Variants in YJU2B observed in about 807,000 individuals in gnomAD.
YJU2B encodes the protein probable splicing factor YJU2B.
A neutral mutation model predicts 38.0 loss-of-function variants in YJU2B; 18 were observed. The ratio of observed to expected loss-of-function variants is 0.47; its 90% CI spans 0.33 to 0.70. YJU2B has a LOEUF of 0.70. Among genes scored for constraint, YJU2B ranks in the 30% least tolerant of loss-of-function variants. The pLI is 0.02. For missense variants in YJU2B, 538 were observed against 556.3 expected (o/e 0.97, Z 0.33); for synonymous variants, 246 against 225.4 (o/e 1.09, Z -0.82).
chr19:13,748,982 CAGA>C (rs978393789), intron 1 of YJU2B, among the ~76,000 whole-genome samples: 1 of 152,194 alleles, frequency 6.6e-6, no homozygotes, highest in Admixed American at 6.5e-5. Context: ...CCCACTCCAT[CAGA>C]AGCTCTTCCA....
At chr19:13,744,673 T>C (rs1428025434), upstream of YJU2B, among the ~76,000 whole-genome samples, 1 of 151,928 alleles carries the variant, frequency 6.6e-6, no homozygotes, top group Non-Finnish European at 1.5e-5. Context: ...CAGCCCATTC[T>C]CAAACACCCT....
intron 2 of YJU2B, among the ~76,000 whole-genome samples, chr19:13,741,906 G>A (rs987739303): frequency 6.6e-6 from 1 of 152,140 alleles, no homozygotes; most frequent in Non-Finnish European, 1.5e-5. Context: ...CAAAAGAAAT[G>A]CAGTTGTCTT....
chr19:13,759,627 AT>A (rs1211611919), intron 8 of YJU2B: 18 of 154,864 alleles, frequency 1.2e-4, no homozygotes, highest in East Asian at 3.5e-4. Context: ...ATAGAAATTA[AT>A]TTTTTTTTTG....
chr19:13,757,960 G>T (rs556681577), intron 6 of YJU2B, 114 bp downstream of exon 6: 2 of 900,884 alleles, frequency 2.2e-6, no homozygotes, highest in Admixed American at 2.1e-5. Context: ...CCTGGAAATC[G>T]CCCTGGTTGG....
chr19:13,761,487 C>G (rs1973885189), intron 8 of YJU2B: 1 of 152,620 alleles, frequency 6.6e-6, no homozygotes, highest in African/African-American at 2.4e-5. Flanking sequence ...TGTCTCACCA[C>G]TAGAGGCCAG....
At chr19:13,756,354 C>A in intron 4 of YJU2B, 75 bp downstream of exon 4, 2 of 1,183,022 alleles carry the variant, frequency 1.7e-6, no homozygotes. Flanking sequence ...TCAGTGCCCT[C>A]ATTGGCCCAG....
chr19:13,757,694 C>A, intron 5 of YJU2B, 92 bp from the exon 6 acceptor site: 1 of 1,340,788 alleles, frequency 7.5e-7, no homozygotes, highest in Non-Finnish European at 1.1e-6. Flanking sequence ...GAACCCTCAG[C>A]AAGTGACAGT....
chr19:13,735,713 G>A (rs1972925615), intron 2 of YJU2B, among the ~76,000 whole-genome samples: 1 of 152,096 alleles, frequency 6.6e-6, no homozygotes, highest in Admixed American at 6.6e-5. Context: ...TGGTGTTTAA[G>A]CACAAGACAC....
At chr19:13,748,045 G>C (rs2145117946) in intron 1 of YJU2B, 91 bp downstream of exon 1, 1 of 152,318 alleles carries the variant, frequency 6.6e-6, no homozygotes, top group East Asian at 1.9e-4. Flanking sequence ...GCCCTTCCGC[G>C]TCGGGGGACG....
chr19:13,755,926 C>G (rs1973649327), intron 3 of YJU2B, among the ~76,000 whole-genome samples: 1 of 152,238 alleles, frequency 6.6e-6, no homozygotes, highest in South Asian at 2.1e-4. Flanking sequence ...CCATTGCACT[C>G]CAGCCTGGGC....
chr19:13,755,906 C>T (rs967683350), intron 3 of YJU2B, among the ~76,000 whole-genome samples: 24 of 152,080 alleles, frequency 1.6e-4, no homozygotes, highest in Non-Finnish European at 2.9e-4. Context: ...TGCAGTGAGC[C>T]AAGGTCATGC....
At chr19:13,753,661 G>A (rs921028094) in intron 2 of YJU2B, among the ~76,000 whole-genome samples, 6 of 151,616 alleles carry the variant, frequency 4.0e-5, no homozygotes, top group South Asian at 2.1e-4. Flanking sequence ...AGTTCAGCAT[G>A]GCTGGGGAGG....
intron 2 of YJU2B, 103 bp downstream of exon 2, chr19:13,751,914 A>G (rs1973482365): frequency 7.2e-6 from 8 of 1,118,472 alleles, no homozygotes; most frequent in Non-Finnish European, 8.2e-6. Context: ...GATGATTTCA[A>G]TCTCCGGGTC....
chr19:13,761,209 C>G lies in YJU2B; in HGVS notation c.574-1090C>G, dbSNP rs554812308. On this transcript the variant is annotated intron_variant, in intron 8 of 9. Transcript: ENST00000221554. ...CCTGGCTAACATGGTGAAACCCCGT[C>G]TCTACTAAAAATGCAAAAAAAAATT... Among the ~76,000 whole-genome samples, 4 of 128,514 alleles carry G rather than the reference C, an allele frequency of 3.1e-5. No individual in the cohort carries two copies. The South Asian group carries it at 1.0e-3, about 33-fold the overall frequency. The allele number at this position is 128,514 out of a possible 152,430, so 84.3% of individuals were successfully genotyped here.
chr19:13,760,286 G>A lies in YJU2B; in HGVS notation c.573+1014G>A, dbSNP rs949795351. Among the ~76,000 whole-genome samples the A allele has an allele frequency of 3.3e-5, 5 of 152,122 alleles. No individual in the cohort carries two copies. The East Asian group carries it at 5.8e-4, about 18-fold the overall frequency. On this transcript the variant is annotated intron_variant, in intron 8 of 9. Coordinates refer to ENST00000221554, the MANE Select transcript of YJU2B (RefSeq NM_030818.4). Reference sequence around the variant, plus strand: ...AGTCTGCGAAGTCCAGGATCAAGGCGCTGGCAGATCCAGTGTCTGGTGAGG... The same window carrying A: ...AGTCTGCGAAGTCCAGGATCAAGGCACTGGCAGATCCAGTGTCTGGTGAGG...
intron 8 of YJU2B, chr19:13,759,623 A>C: frequency 6.2e-6 from 1 of 161,112 alleles, no homozygotes; most frequent in Non-Finnish European, 1.3e-5. Context: ...AATAATAGAA[A>C]TTAATTTTTT....
Position 13,750,360 on chromosome 19 carries a change from G to A in YJU2B, c.-201-1248G>A, listed in dbSNP as rs567057504. On this transcript the variant is annotated intron_variant, in intron 1 of 9. Transcript: ENST00000221554. ...TCCTGCCTCAGTTTCCCGAGTAGCTGGGATTACAGGCATGCACCATCACAC... is the reference window on the plus strand; with the variant it reads ...TCCTGCCTCAGTTTCCCGAGTAGCTAGGATTACAGGCATGCACCATCACAC... 4.8e-4 allele frequency among the ~76,000 whole-genome samples: 73 copies of A among 152,222 alleles called. No homozygotes were observed. The South Asian group carries it at 0.015, about 30-fold the overall frequency.
chr19:13,745,569 C>G (rs1457819300), upstream of YJU2B, among the ~76,000 whole-genome samples: 2 of 151,262 alleles, frequency 1.3e-5, no homozygotes, highest in Non-Finnish European at 2.9e-5. Flanking sequence ...ATCGCTTGAT[C>G]CCGGAAGGAA....
At chr19:13,745,742 TAG>T (rs1440400888), upstream of YJU2B, among the ~76,000 whole-genome samples, 2,253 of 90,810 alleles carry the variant, frequency 0.025, 76 homozygotes, top group African/African-American at 0.081. Flanking sequence ...TATATATATA[TAG>T]ATATATATAT....
Sources: allele counts gnomAD v4.1 joint callset (sites outside exome capture counted in the v4.1 genomes callset), GRCh38; gene constraint gnomAD v4.1.1; transcripts MANE v1.5; gene names NCBI Gene and HGNC (gene_info 2026-07-23, HGNC 2026-07-21).